Variants in ZNF644 observed in about 807,000 individuals in gnomAD.
ZNF644 encodes the protein zinc finger protein 644, also known as zinc finger motif enhancer binding protein 2.
In ZNF644, 20 loss-of-function variants were observed where a neutral mutation model predicts 108.0. The ratio of observed to expected loss-of-function variants is 0.19; its 90% CI spans 0.13 to 0.27. The LOEUF is 0.27. Among genes scored for constraint, ZNF644 ranks in the 10% least tolerant of loss-of-function variants. ZNF644 has a pLI of 1.00. For missense variants in ZNF644, 1,338 were observed against 1,548.9 expected, an observed-to-expected ratio of 0.86 and a Z score of 2.29; for synonymous variants, 542 against 539.1, an observed-to-expected ratio of 1.01 and a Z score of -0.08.
chr1:90,936,638 A>T (rs1358908328), intron 4 of ZNF644, among the ~76,000 whole-genome samples: 1 of 152,184 alleles, frequency 6.6e-6, no homozygotes, highest in African/African-American at 2.4e-5. Context: ...TAATCATGAG[A>T]CCATTTACAT....
At chr1:91,006,738 T>TA (rs1411790310) in intron 1 of ZNF644, among the ~76,000 whole-genome samples, 4 of 152,118 alleles carry the variant, frequency 2.6e-5, no homozygotes, top group African/African-American at 9.7e-5. Flanking sequence ...TCTCCCTTCA[T>TA]AATCATCCTA....
chr1:90,971,060 A>G (rs1012879261), intron 2 of ZNF644, among the ~76,000 whole-genome samples: 6 of 151,866 alleles, frequency 4.0e-5, no homozygotes, highest in Non-Finnish European at 7.4e-5. Context: ...TATACACTGT[A>G]GTATGGCTTT....
intron 1 of ZNF644, among the ~76,000 whole-genome samples, chr1:91,009,937 AT>A (rs1320586574): frequency 6.6e-6 from 1 of 152,174 alleles, no homozygotes; most frequent in Non-Finnish European, 1.5e-5. Flanking sequence ...GATTTGACTT[AT>A]TTAAAACTAT....
At chr1:90,929,398 C>T (rs1650450699) in intron 4 of ZNF644, among the ~76,000 whole-genome samples, 1 of 152,200 alleles carries the variant, frequency 6.6e-6, no homozygotes, top group Non-Finnish European at 1.5e-5. Context: ...CCCTCCTCAG[C>T]CCAGTCTGGA....
chr1:90,975,372 C>T (rs1237852139), intron 2 of ZNF644, among the ~76,000 whole-genome samples: 1 of 151,080 alleles, frequency 6.6e-6, no homozygotes, highest in African/African-American at 2.4e-5. Context: ...AAATATTAAA[C>T]AAAAATTTAC....
At chr1:90,963,299 A>G (rs1654515256) in intron 2 of ZNF644, among the ~76,000 whole-genome samples, 2 of 152,134 alleles carry the variant, frequency 1.3e-5, no homozygotes, top group Admixed American at 1.3e-4. Flanking sequence ...AGGGAAATGC[A>G]TCTTTCAGAA....
Position 90,937,824 on chromosome 1 carries a change from A to G in ZNF644, c.3349T>C (p.Phe1117Leu). ...VAQKLASSDD[F>L]ISQNVIPLEA... ...AGAGGTATAACATTTTGAGATATAA[A>G]GTCATCACTTGATGCAAGTTTTTGA... Residue 1117 changes from phenylalanine to leucine, a missense_variant, in exon 4 of 6, where the codon TTT becomes CTT. Coordinates refer to ENST00000337393, the MANE Select transcript of ZNF644 (RefSeq NM_201269.3). The G allele has an allele frequency of 6.2e-7, 1 of 1,613,932 alleles. No individual in the cohort carries two copies. The highest frequency in any genetic ancestry group is 8.5e-7 in the Non-Finnish European group (1 of 1,179,888).
chr1:90,944,833 T>C (rs2100998402), intron 2 of ZNF644, among the ~76,000 whole-genome samples: 1 of 152,146 alleles, frequency 6.6e-6, no homozygotes, highest in South Asian at 2.1e-4. Context: ...CCAAATATAC[T>C]TCTTCTTAGT....
intron 4 of ZNF644, among the ~76,000 whole-genome samples, chr1:90,922,865 A>G (rs1014408310): frequency 6.6e-6 from 1 of 152,116 alleles, no homozygotes; most frequent in Admixed American, 6.6e-5. Flanking sequence ...TGTTAGTAAT[A>G]AATTCAATTA....
At chr1:90,971,906 T>C (rs1380934721) in intron 2 of ZNF644, among the ~76,000 whole-genome samples, 1 of 152,152 alleles carries the variant, frequency 6.6e-6, no homozygotes, top group African/African-American at 2.4e-5. Context: ...GTATTACTTC[T>C]CATTATTCTT....
intron 4 of ZNF644, among the ~76,000 whole-genome samples, chr1:90,922,896 T>C (rs1649624052): frequency 6.6e-6 from 1 of 152,134 alleles, no homozygotes. Flanking sequence ...CACTAATCCT[T>C]CAAGGTTCAT....
In ZNF644 at chr1:90,938,778, C is replaced by G; in HGVS notation, c.2576G>C (p.Ser859Thr). Residue 859 changes from serine (S) to threonine (T), a missense_variant, in exon 3 of 6, where the codon AGT (serine) becomes ACT (threonine). Physicochemically the swap from Ser to Thr is moderately conservative, Grantham distance 58 (BLOSUM62 1). Around this residue, in one of 6 missense-constraint regions of ZNF644, gnomAD observed 462 missense variants for 472.6 expected, o/e 0.98. Coordinates refer to ENST00000337393, the MANE Select transcript of ZNF644 (RefSeq NM_201269.3). The surrounding 1 kb of genome is among the most constrained non-coding windows in gnomAD (Gnocchi z 4.2). ...TCCTAACTCAACATTATCCCAGGAA[C>G]TTTCATCTTCTGTTTCATAACTATC... ...KKDSYETEDE[S>T]SWDNVELGDY... 6.2e-7 allele frequency: 1 copy of G among 1,613,638 alleles called. No individual in the cohort carries two copies. Among genetic ancestry groups the G allele is most frequent in the Non-Finnish European group, 8.5e-7 (1 of 1,179,848 alleles).
chr1:90,918,694 G>C (rs1046490170), intron 4 of ZNF644, among the ~76,000 whole-genome samples: 2 of 152,188 alleles, frequency 1.3e-5, no homozygotes. Context: ...TTTTCATAGT[G>C]ATTCACCATG....
At chr1:91,009,423 G>A (rs979258140) in intron 1 of ZNF644, among the ~76,000 whole-genome samples, 1 of 151,474 alleles carries the variant, frequency 6.6e-6, no homozygotes. Flanking sequence ...AAACCATAAG[G>A]TACACTCAAT....
chr1:90,954,292 A>G (rs1290016452), intron 2 of ZNF644, among the ~76,000 whole-genome samples: 1 of 152,070 alleles, frequency 6.6e-6, no homozygotes, highest in Non-Finnish European at 1.5e-5. Context: ...TGTTCACACT[A>G]TTTTCACTAC....
At chr1:90,980,478 G>A (rs1656436779) in intron 2 of ZNF644, among the ~76,000 whole-genome samples, 1 of 152,104 alleles carries the variant, frequency 6.6e-6, no homozygotes, top group African/African-American at 2.4e-5. Context: ...TGAAAGTGAT[G>A]GGGGACAATT....
chr1:90,922,187 A>G (rs1649523084), intron 4 of ZNF644, among the ~76,000 whole-genome samples: 1 of 152,186 alleles, frequency 6.6e-6, no homozygotes, highest in South Asian at 2.1e-4. Context: ...AACTAAATTA[A>G]CATTCGCCAC....
chr1:91,007,709 CT>C (rs1255974984), intron 1 of ZNF644, among the ~76,000 whole-genome samples: 19 of 152,100 alleles, frequency 1.2e-4, no homozygotes, highest in Non-Finnish European at 1.5e-5. Flanking sequence ...TCTAGAAGCT[CT>C]TGTTTTCTGG....
At chr1:90,954,410 A>G (rs889506780) in intron 2 of ZNF644, among the ~76,000 whole-genome samples, 1 of 147,582 alleles carries the variant, frequency 6.8e-6, no homozygotes, top group Non-Finnish European at 1.5e-5. Flanking sequence ...TTCAGGTTCC[A>G]CTTTTTTTTT....
Sources: allele counts gnomAD v4.1 joint callset (sites outside exome capture counted in the v4.1 genomes callset), GRCh38; gene constraint gnomAD v4.1.1; regional missense constraint gnomAD v4.1.1; non-coding constraint Gnocchi (gnomAD v3.1); transcripts MANE v1.5; gene names NCBI Gene and HGNC (gene_info 2026-07-23, HGNC 2026-07-21).